The following MAMLD1 variants were observed in gnomAD, a reference collection of about 807,000 sequenced individuals.
MAMLD1 encodes the protein mastermind like domain containing 1.
A neutral mutation model predicts 45.0 loss-of-function variants in MAMLD1; 14 were observed. The observed-to-expected ratio is 0.31, with a 90% CI of 0.21 to 0.49. MAMLD1 has a LOEUF of 0.49. Among genes scored for constraint, MAMLD1 ranks in the 20% least tolerant of loss-of-function variants. The pLI is 0.99. For synonymous variants in MAMLD1, 254 were observed against 247.8 expected (o/e 1.02, Z -0.24); for missense variants, 543 against 603.6 (o/e 0.90, Z 1.05).
intron 1 of MAMLD1, among the ~76,000 whole-genome samples, chrX:150,410,760 T>A (rs1557402799): frequency 1.8e-5 from 2 of 111,905 alleles, no homozygotes; most frequent in African/African-American, 3.2e-5. Context: ...AGGTTGAATA[T>A]CTTCCTGCAA....
chrX:150,398,234 A>G (rs954061075), intron 1 of MAMLD1, among the ~76,000 whole-genome samples: 4 of 96,176 alleles, frequency 4.2e-5, no homozygotes, highest in Non-Finnish European at 8.3e-5. Context: ...AGAGGAGAAG[A>G]AGGAGAAGGA....
At chrX:150,411,481 CT>C (rs2034123687) in intron 1 of MAMLD1, among the ~76,000 whole-genome samples, 1 of 112,011 alleles carries the variant, frequency 8.9e-6, no homozygotes, top group East Asian at 2.8e-4. Context: ...TTGATGAGTT[CT>C]TTGCCACTGC....
At position 150,509,827 on chromosome X, in the gene MAMLD1, G is replaced by C. The variant is rs945709599; in HGVS notation, c.2285-135G>C. The C allele has an allele frequency of 1.7e-5, 9 of 532,967 alleles. No homozygotes were observed. In the African/African-American group the frequency reaches 2.1e-4, roughly 12 times the overall value. The allele number at this position is 532,967 out of a possible 1,213,427, so 43.9% of individuals were successfully genotyped here. A position where few individuals can be genotyped will look rare whatever the true frequency, so the allele number is the denominator to read the frequency against. Reference sequence around the variant, plus strand: ...TTGCTCGAGAGGGTGGGGCATGCATGCGAGTGTATGCTGGTGTGTTTATTC... The same window carrying C: ...TTGCTCGAGAGGGTGGGGCATGCATCCGAGTGTATGCTGGTGTGTTTATTC... On this transcript the variant is annotated intron_variant, in intron 6 of 7. Transcript: ENST00000370401.
At chrX:150,370,178 A>G (rs1234388302) in intron 1 of MAMLD1, among the ~76,000 whole-genome samples, 2 of 109,636 alleles carry the variant, frequency 1.8e-5, no homozygotes, top group Non-Finnish European at 3.8e-5. Flanking sequence ...GTTACTATGG[A>G]TCAGCACAAT....
chrX:150,467,724 G>A (rs1557406048), intron 3 of MAMLD1, among the ~76,000 whole-genome samples: 3 of 112,527 alleles, frequency 2.7e-5, no homozygotes, highest in Non-Finnish European at 3.8e-5. Flanking sequence ...CAGCTGAGTG[G>A]TGGTGGAGGG....
intron 7 of MAMLD1, among the ~76,000 whole-genome samples, chrX:150,510,961 G>A (rs782170417): frequency 8.9e-6 from 1 of 112,638 alleles, no homozygotes; most frequent in East Asian, 2.8e-4. Flanking sequence ...AGGAAGGCTG[G>A]TGGCCTCCAG....
chrX:150,429,295 GT>G (rs1187198394), intron 1 of MAMLD1, among the ~76,000 whole-genome samples: 2 of 108,036 alleles, frequency 1.9e-5, no homozygotes, highest in Admixed American at 9.8e-5. Context: ...GTGGGAATTG[GT>G]TTTTTTTTAA....
At chrX:150,466,121 A>G (rs1557405894) in intron 3 of MAMLD1, among the ~76,000 whole-genome samples, 2 of 112,848 alleles carry the variant, frequency 1.8e-5, no homozygotes, top group Non-Finnish European at 3.7e-5. Flanking sequence ...AGTTGAGATG[A>G]GTAACAGATC....
At chrX:150,475,616 G>T (rs2036560618) in intron 5 of MAMLD1, among the ~76,000 whole-genome samples, 1 of 112,332 alleles carries the variant, frequency 8.9e-6, no homozygotes, top group African/African-American at 3.2e-5. Context: ...AGCATGGGAG[G>T]TTGAGCAAGC....
intron 5 of MAMLD1, among the ~76,000 whole-genome samples, chrX:150,477,244 G>T (rs1425807214): frequency 8.9e-6 from 1 of 112,894 alleles, no homozygotes; most frequent in Non-Finnish European, 1.9e-5. Context: ...TCATGGGGCT[G>T]CTGTGAGGAT....
At chrX:150,397,487 G>GT (rs782668988) in intron 1 of MAMLD1, among the ~76,000 whole-genome samples, 1 of 111,447 alleles carries the variant, frequency 9.0e-6, no homozygotes, top group East Asian at 2.8e-4. Flanking sequence ...TGTAGATAAG[G>GT]TTTTATTTCC....
At chrX:150,404,421 C>T (rs1358659331) in intron 1 of MAMLD1, among the ~76,000 whole-genome samples, 6 of 111,943 alleles carry the variant, frequency 5.4e-5, no homozygotes, top group African/African-American at 1.6e-4. Flanking sequence ...GAGCAATGAA[C>T]AAAGCATGTT....
At chrX:150,505,664 G>A (rs1557408784) in intron 6 of MAMLD1, among the ~76,000 whole-genome samples, 2 of 112,235 alleles carry the variant, frequency 1.8e-5, no homozygotes, top group African/African-American at 6.5e-5. Flanking sequence ...CAGTCCACTG[G>A]GAGAAGTGGC....
intron 1 of MAMLD1, chrX:150,421,232 A>G (rs1033351252): frequency 7.0e-5 from 8 of 114,227 alleles, no homozygotes; most frequent in Admixed American, 1.9e-4. Context: ...TCTTTGACTC[A>G]GAAAGGGAAC....
chrX:150,370,192 C>A (rs1179083308), intron 1 of MAMLD1, among the ~76,000 whole-genome samples: 3 of 109,528 alleles, frequency 2.7e-5, no homozygotes, highest in African/African-American at 1.0e-4. Flanking sequence ...GCACAATAAA[C>A]CAATTCCCAT....
At position 150,470,656 on chromosome X, in the gene MAMLD1, C is replaced by T. The variant is rs1557406360; in HGVS notation, c.1083C>T (p.Ser361=). ...TGCCACCACCACCACCCCCATTCAG[C>T]CCCCAGAGCCTCATGGTGTCCTGCA... The part of the protein sequence containing the change: ...LPLPPPPPPF[S]PQSLMVSCMS... Residue 361 remains serine (S), a synonymous_variant, in exon 4 of 8, where the codon AGC becomes AGT. Coordinates refer to ENST00000370401, the MANE Select transcript of MAMLD1 (RefSeq NM_005491.5). 3 of 1,211,954 alleles carry T rather than the reference C, an allele frequency of 2.5e-6. No individual in the cohort carries two copies. The highest frequency in any genetic ancestry group is 5.9e-5 in the East Asian group (2 of 33,847).
Position 150,470,794 on chromosome X carries a change from T to A in MAMLD1, c.1221T>A (p.Pro407=), listed in dbSNP as rs782238283. 1.8e-5 allele frequency: 22 copies of A among 1,210,585 alleles called. No individual in the cohort carries two copies. In the Admixed American group the frequency reaches 4.1e-4, roughly 23 times the overall value. The stretch of plus-strand genomic sequence containing the variant: ...TGGGGCCCGCCATGCCCTATGCTCC[T>A]GAGAAGCTCCCCAGCCCTGCTCTCA... ...AALGPAMPYA[P]EKLPSPALTQ... Residue 407 remains proline (P), a synonymous_variant, in exon 4 of 8, where the codon CCT becomes CCA. Transcript: ENST00000370401.
intron 1 of MAMLD1, among the ~76,000 whole-genome samples, chrX:150,375,718 T>C (rs2032281289): frequency 9.1e-6 from 1 of 109,614 alleles, no homozygotes; most frequent in Admixed American, 9.7e-5. Flanking sequence ...AAAAGAGTGC[T>C]TAGCACAGGG....
intron 1 of MAMLD1, among the ~76,000 whole-genome samples, chrX:150,367,763 T>A (rs1202880302): frequency 9.7e-6 from 1 of 102,846 alleles, no homozygotes; most frequent in Non-Finnish European, 2.0e-5. Context: ...CCTGTGTCCA[T>A]GTGTTCTCAT....
Sources: allele counts gnomAD v4.1 joint callset (sites outside exome capture counted in the v4.1 genomes callset), GRCh38; gene constraint gnomAD v4.1.1; transcripts MANE v1.5; gene names NCBI Gene and HGNC (gene_info 2026-07-23, HGNC 2026-07-21).